Variants in SHMT1 observed in about 807,000 individuals in gnomAD.
SHMT1 encodes the protein serine hydroxymethyltransferase 1, also known as serine hydroxymethyltransferase, cytosolic.
Under a neutral mutation model 49.0 loss-of-function variants are expected in SHMT1, and 45 were observed. That is an observed-to-expected ratio of 0.92 (90% confidence interval 0.72 to 1.18). The LOEUF is 1.18. Among genes scored for constraint, SHMT1 ranks in the 50% most tolerant of loss-of-function variants. The probability of loss-of-function intolerance (pLI) is 0.00; values close to 1 mark genes in which losing one functional copy is unlikely to be tolerated. For synonymous variants in SHMT1, 232 were observed against 246.6 expected (o/e 0.94, Z 0.55); for missense variants, 541 against 612.4 (o/e 0.88, Z 1.23).
Position 18,340,861 on chromosome 17 carries a change from C to A in SHMT1, c.520-48G>T. ...GTTCAGGCTGCTTCCTCCAACCACA[C>A]CTGCCTCCTGTCCTCCCACTTGAAC... On this transcript the variant is annotated intron_variant, in intron 5 of 11. Coordinates refer to ENST00000316694, the MANE Select transcript of SHMT1 (RefSeq NM_004169.5). The surrounding 1 kb of genome is among the most constrained non-coding windows in gnomAD (Gnocchi z 4.5). 7.3e-7 allele frequency: 1 copy of A among 1,364,860 alleles called. No individual in the cohort carries two copies. Among genetic ancestry groups the A allele is most frequent in the Non-Finnish European group, 1.0e-6 (1 of 970,240 alleles). 84.5% of individuals were successfully genotyped at this position (1,364,860 alleles called of 1,614,324 possible).
chr17:18,338,263 C>T (rs920058937), intron 7 of SHMT1, among the ~76,000 whole-genome samples: 2 of 147,856 alleles, frequency 1.4e-5, no homozygotes, highest in African/African-American at 5.0e-5. Flanking sequence ...GCCCGGCTGC[C>T]CCATCTGAGA....
At chr17:18,332,611 T>C (rs1306784107) in intron 9 of SHMT1, 1 of 175,686 alleles carries the variant, frequency 5.7e-6, no homozygotes, top group African/African-American at 2.4e-5. Flanking sequence ...GACTGTGAGG[T>C]GGATGGCACC....
Position 18,329,354 on chromosome 17 carries a change from C to G in SHMT1, c.1206G>C (p.Arg402=). 1 of 1,612,914 alleles carries G rather than the reference C, an allele frequency of 6.2e-7. No individual in the cohort carries two copies. The highest frequency in any genetic ancestry group is 8.5e-7 in the Non-Finnish European group (1 of 1,179,998). ...GGGACGTCAGTGCTGGGGTCCCCAG[C>G]CGCAGTCCACTGGGCCGCAGAGCGC... The part of the protein sequence containing the change: ...DRSALRPSGL[R]LGTPALTSRG... Residue 402 remains arginine, a synonymous_variant, in exon 11 of 12, where the codon CGG becomes CGC. Transcript: ENST00000316694.
intron 3 of SHMT1, among the ~76,000 whole-genome samples, chr17:18,349,249 G>A (rs1316718602): frequency 4.0e-5 from 6 of 151,710 alleles, no homozygotes; most frequent in African/African-American, 9.7e-5. Context: ...GTGAAACCCC[G>A]TCTCTACTAA....
chr17:18,348,654 C>A (rs1226350775), intron 3 of SHMT1: 2 of 676,450 alleles, frequency 3.0e-6, no homozygotes, highest in Non-Finnish European at 5.5e-6. Context: ...AGCTGTGCAA[C>A]TTGGAGCAAA....
chr17:18,328,796 T>C lies in SHMT1; in HGVS notation c.1406A>G (p.Glu469Gly). Residue 469 changes from glutamate to glycine, a missense_variant, in exon 12 of 12, where the codon GAG becomes GGG. Glu to Gly is a moderately conservative substitution (Grantham distance 98). Transcript: ENST00000316694. The part of the protein sequence containing the change: ...AAVQALREEV[E>G]SFASLFPLPG... ...CAGAGGGAAGAGAGAGGCGAAGCTC[T>C]CAACCTCCTCCCGGAGAGCCTGCAC... is the stretch of plus-strand genomic sequence containing the variant. 1 of 1,605,632 alleles carries C rather than the reference T, an allele frequency of 6.2e-7. No individual in the cohort carries two copies. The highest frequency in any genetic ancestry group is 8.5e-7 in the Non-Finnish European group (1 of 1,176,148).
chr17:18,333,126 C>G, intron 9 of SHMT1, 40 bp downstream of exon 9: 1 of 1,612,638 alleles, frequency 6.2e-7, no homozygotes, highest in Non-Finnish European at 8.5e-7. Context: ...CTTAATACAA[C>G]CACAAGAACA....
chr17:18,328,998 G>A (rs1240991389), intron 11 of SHMT1, 79 bp from the exon 12 acceptor site: 3 of 1,559,712 alleles, frequency 1.9e-6, no homozygotes, highest in Non-Finnish European at 2.6e-6. Flanking sequence ...AGGCACAAAT[G>A]TCAGAATGTC....
At chr17:18,346,752 CTG>C (rs770780270) in intron 5 of SHMT1, among the ~76,000 whole-genome samples, 3 of 152,340 alleles carry the variant, frequency 2.0e-5, no homozygotes, top group Middle Eastern at 6.8e-3. Context: ...GCTGAGGACA[CTG>C]TGGTACCCTC....
intron 9 of SHMT1, 53 bp downstream of exon 9, chr17:18,333,113 A>G: frequency 6.2e-7 from 1 of 1,608,744 alleles, no homozygotes; most frequent in Non-Finnish European, 8.5e-7. Context: ...CTGAGAAGCA[A>G]GCCTTAATAC....
At chr17:18,356,421 C>T (rs886127097) in intron 1 of SHMT1, among the ~76,000 whole-genome samples, 1 of 152,126 alleles carries the variant, frequency 6.6e-6, no homozygotes, top group Non-Finnish European at 1.5e-5. Flanking sequence ...CTGCAACCTC[C>T]GCCTCCTGGG....
intron 2 of SHMT1, among the ~76,000 whole-genome samples, chr17:18,355,369 C>CCAAA (rs1986142737): frequency 1.6e-5 from 1 of 62,754 alleles, no homozygotes; most frequent in African/African-American, 6.1e-5. Flanking sequence ...GACTCTGTCT[C>CCAAA]AAAAAAAAAA....
In SHMT1 at chr17:18,329,461, CAT is replaced by C. The variant is rs755637820; in HGVS notation, c.1172-75_1172-74del. The C allele has an allele frequency of 5.2e-5, 64 of 1,222,316 alleles. No homozygotes were observed. In the Middle Eastern group the frequency reaches 7.9e-4, roughly 15 times the overall value. The allele number at this position is 1,222,316 out of a possible 1,614,324, so 75.7% of individuals were successfully genotyped here. On this transcript the variant is annotated intron_variant, in intron 10 of 11. Transcript: ENST00000316694. ...TGATGGTGGTGCATTTAAAAAGGGA[CAT>C]GTGGGCAAAAGAGAACTGGCCTGAG...
chr17:18,340,805 T>C lies in SHMT1; in HGVS notation c.528A>G (p.Pro176=), dbSNP rs1479612944. ...GGTCATAGTTGATGTAGCCAGTATC[T>C]GGGTTCACCTGTGGAATGTCAGGGA... ...FFESMPYKVN[P]DTGYINYDQL... is the part of the protein sequence containing the mutation. Residue 176 remains proline, a synonymous_variant, in exon 6 of 12, where the codon CCA becomes CCG. Coordinates refer to ENST00000316694, the MANE Select transcript of SHMT1 (RefSeq NM_004169.5). This position sits in a 1 kb window ranked among gnomAD's most constrained non-coding sequence, Gnocchi z 4.5. The C allele has an allele frequency of 1.2e-6, 2 of 1,613,130 alleles. No homozygotes were observed. Among genetic ancestry groups the C allele is most frequent in the Admixed American group, 3.3e-5 (2 of 59,906 alleles).
In SHMT1 at chr17:18,340,751, G is replaced by A; in HGVS notation, c.582C>T (p.His194=). The change falls in exon 6 of 12, where the codon CAC becomes CAT. Residue 194 remains histidine (H), a synonymous_variant. Coordinates refer to ENST00000316694, the MANE Select transcript of SHMT1 (RefSeq NM_004169.5). This position sits in a 1 kb window ranked among gnomAD's most constrained non-coding sequence, Gnocchi z 4.5. ...CATCACCTGCGATGATCAGCTTCGGGTGGAAGAGGCGTGCGTTCTCCTCCA... is the reference window on the plus strand; with the variant it reads ...CATCACCTGCGATGATCAGCTTCGGATGGAAGAGGCGTGCGTTCTCCTCCA... ...DQLEENARLF[H]PKLIIAGTSC... 2 of 1,613,038 alleles carry A rather than the reference G, an allele frequency of 1.2e-6. No homozygotes were observed. Among genetic ancestry groups the A allele is most frequent in the South Asian group, 1.1e-5 (1 of 90,628 alleles).
chr17:18,353,246 T>C (rs1442720657), intron 3 of SHMT1, among the ~76,000 whole-genome samples: 3 of 152,200 alleles, frequency 2.0e-5, no homozygotes, highest in Non-Finnish European at 4.4e-5. Context: ...AAATCCAACA[T>C]TTATAATGCA....
intron 2 of SHMT1, among the ~76,000 whole-genome samples, chr17:18,355,635 C>A (rs1986170516): frequency 6.6e-6 from 1 of 150,894 alleles, no homozygotes; most frequent in Admixed American, 6.7e-5. Flanking sequence ...AGGAAAGGGT[C>A]AACTGTCAGT....
Position 18,348,418 on chromosome 17 carries a change from T to C in SHMT1, c.265A>G (p.Ile89Val), listed in dbSNP as rs773639730. 1.1e-5 allele frequency: 18 copies of C among 1,613,398 alleles called. No homozygotes were observed. Among genetic ancestry groups the C allele is most frequent in the Non-Finnish European group, 1.4e-5 (17 of 1,179,514 alleles). ...TGACAGAGGGTCTCCAGTTCATCAA[T>C]AAACTCAGTCCCGCCATAGTATCTG... is the stretch of plus-strand genomic sequence containing the variant. ...GQRYYGGTEF[I>V]DELETLCQKR... Residue 89 changes from isoleucine (I) to valine (V), a missense_variant, in exon 4 of 12, where the codon ATT (isoleucine) becomes GTT (valine). Physicochemically the swap from Ile to Val is conservative, Grantham distance 29 (BLOSUM62 3). Coordinates refer to ENST00000316694, the MANE Select transcript of SHMT1 (RefSeq NM_004169.5).
chr17:18,350,155 C>T (rs1270277093), intron 3 of SHMT1, among the ~76,000 whole-genome samples: 1 of 151,812 alleles, frequency 6.6e-6, no homozygotes, highest in African/African-American at 2.4e-5. Context: ...GGTGAAACCC[C>T]GTCTCTACTA....
Sources: allele counts gnomAD v4.1 joint callset (sites outside exome capture counted in the v4.1 genomes callset), GRCh38; gene constraint gnomAD v4.1.1; non-coding constraint Gnocchi (gnomAD v3.1); transcripts MANE v1.5; gene names NCBI Gene and HGNC (gene_info 2026-07-23, HGNC 2026-07-21).